Variants in PCDHA11 observed in about 807,000 individuals in gnomAD.
The protein encoded by PCDHA11 is protocadherin alpha-11.
Under a neutral mutation model 70.3 loss-of-function variants are expected in PCDHA11, and 61 were observed. That is an observed-to-expected ratio of 0.87 (90% CI 0.71 to 1.07). The LOEUF (loss-of-function observed/expected upper bound fraction) is 1.07. Among genes scored for constraint, PCDHA11 ranks in the 50% least tolerant of loss-of-function variants. The probability of loss-of-function intolerance (pLI) is 0.00; values close to 1 mark genes in which losing one functional copy is unlikely to be tolerated. For synonymous variants in PCDHA11, 633 were observed against 555.1 expected (o/e 1.14, Z -1.97); for missense variants, 1,324 against 1,237.5 (o/e 1.07, Z -1.05).
intron 1 of PCDHA11, among the ~76,000 whole-genome samples, chr5:140,908,047 C>T (rs976734426): frequency 4.6e-5 from 7 of 152,208 alleles, no homozygotes; most frequent in African/African-American, 1.7e-4. Context: ...AATTGCACAT[C>T]CGGCCATTTC....
intron 1 of PCDHA11, chr5:140,875,246 C>T: frequency 1.0e-6 from 1 of 955,372 alleles, no homozygotes; most frequent in Non-Finnish European, 1.5e-6. Context: ...CTTACATAAT[C>T]AGTCACATGA....
chr5:140,925,596 T>G (rs1218423622), intron 1 of PCDHA11, among the ~76,000 whole-genome samples: 1 of 151,466 alleles, frequency 6.6e-6, no homozygotes, highest in Admixed American at 6.6e-5. Context: ...TGTATACATA[T>G]GTAACAAACC....
chr5:141,009,339 G>A (rs1328874922), intron 3 of PCDHA11, among the ~76,000 whole-genome samples: 13 of 152,168 alleles, frequency 8.5e-5, no homozygotes, highest in African/African-American at 3.1e-4. Context: ...TGTGCCTGTA[G>A]TTCCAGCTAC....
chr5:140,889,424 A>G (rs2062220483), intron 1 of PCDHA11, among the ~76,000 whole-genome samples: 1 of 151,956 alleles, frequency 6.6e-6, no homozygotes, highest in African/African-American at 2.4e-5. Context: ...CGTAGATAAT[A>G]TTTTTTCAGG....
chr5:140,926,835 T>C (rs2083586569), intron 1 of PCDHA11: 4 of 1,505,630 alleles, frequency 2.7e-6, no homozygotes, highest in East Asian at 2.3e-5. Context: ...GTCCGGAGCA[T>C]GGTCCTGGGT....
At chr5:140,979,690 A>G (rs2096860224) in intron 2 of PCDHA11, among the ~76,000 whole-genome samples, 1 of 152,252 alleles carries the variant, frequency 6.6e-6, no homozygotes, top group Non-Finnish European at 1.5e-5. Context: ...ATTAACTACC[A>G]TTATTTCTGG....
intron 1 of PCDHA11, among the ~76,000 whole-genome samples, chr5:140,898,580 T>G (rs541428438): frequency 2.9e-4 from 44 of 152,370 alleles, no homozygotes; most frequent in African/African-American, 1.0e-3. Flanking sequence ...CCATGCTGTT[T>G]TGGTTACTGT....
intron 3 of PCDHA11, among the ~76,000 whole-genome samples, chr5:140,989,687 G>A (rs956131200): frequency 2.0e-4 from 31 of 152,176 alleles, no homozygotes; most frequent in African/African-American, 6.3e-4. Flanking sequence ...TCAAAGGAAC[G>A]TGAAAATTTT....
intron 1 of PCDHA11, among the ~76,000 whole-genome samples, chr5:140,895,037 C>G (rs28619398): frequency 6.6e-6 from 1 of 152,134 alleles, no homozygotes; most frequent in Non-Finnish European, 1.5e-5. Context: ...TTGTCCCCCA[C>G]CCACACCATT....
rs148820707 is a variant in PCDHA11, at chr5:140,954,545, G to A, written c.2392-24404G>A. ...AGTGATGTTGAGGTTTTTTTCATAT[G>A]TTTGTTGGCTGCATGACTGTCTTCT... On this transcript the variant is annotated intron_variant, in intron 1 of 3. Coordinates refer to ENST00000398640, the MANE Select transcript of PCDHA11 (RefSeq NM_018902.5). 4.6e-3 allele frequency among the ~76,000 whole-genome samples: 702 copies of A among 152,204 alleles called. 2 individuals are homozygous for A. The highest frequency in any genetic ancestry group is 0.016 in the African/African-American group (679 of 41,554).
intron 2 of PCDHA11, among the ~76,000 whole-genome samples, chr5:140,979,495 G>A (rs1405180713): frequency 6.6e-6 from 1 of 151,840 alleles, no homozygotes; most frequent in Non-Finnish European, 1.5e-5. Context: ...ACCTATTAGA[G>A]CCTCCTCATC....
At chr5:140,993,364 T>G (rs1285844193) in intron 3 of PCDHA11, among the ~76,000 whole-genome samples, 1 of 151,930 alleles carries the variant, frequency 6.6e-6, no homozygotes, top group Non-Finnish European at 1.5e-5. Flanking sequence ...TCACAAAAAC[T>G]ACCTCCCAGC....
intron 1 of PCDHA11, among the ~76,000 whole-genome samples, chr5:140,915,719 T>A (rs545655335): frequency 6.6e-6 from 1 of 151,956 alleles, no homozygotes; most frequent in African/African-American, 2.4e-5. Flanking sequence ...GCCCCCACTT[T>A]GGATTGTGCT....
At chr5:140,921,943 T>C (rs2080514176) in intron 1 of PCDHA11, among the ~76,000 whole-genome samples, 1 of 151,972 alleles carries the variant, frequency 6.6e-6, no homozygotes, top group South Asian at 2.1e-4. Context: ...AATTTTACAC[T>C]TGTAAAATCC....
At chr5:140,981,457 C>T (rs910127197) in intron 2 of PCDHA11, among the ~76,000 whole-genome samples, 6 of 152,064 alleles carry the variant, frequency 3.9e-5, no homozygotes, top group African/African-American at 7.2e-5. Context: ...GCCTGTAGTC[C>T]CAGCTACTTG....
At chr5:140,929,241 T>TG (rs2085975080) in intron 1 of PCDHA11, 1 of 1,613,878 alleles carries the variant, frequency 6.2e-7, no homozygotes. Context: ...TGCGAAATCT[T>TG]GCCACTGGGG....
intron 1 of PCDHA11, among the ~76,000 whole-genome samples, chr5:140,972,578 C>A (rs1554234223): frequency 6.6e-6 from 1 of 151,798 alleles, no homozygotes; most frequent in Non-Finnish European, 1.5e-5. Flanking sequence ...GGCAATAGGG[C>A]AGAATTTCTC....
chr5:140,935,995 C>G (rs1282709145), intron 1 of PCDHA11, among the ~76,000 whole-genome samples: 1 of 150,774 alleles, frequency 6.6e-6, no homozygotes, highest in African/African-American at 2.4e-5. Context: ...CGGGTTCAAG[C>G]GATTCTCCCA....
chr5:140,904,162 A>G (rs1554191325), intron 1 of PCDHA11, among the ~76,000 whole-genome samples: 1 of 152,028 alleles, frequency 6.6e-6, no homozygotes, highest in Non-Finnish European at 1.5e-5. Context: ...CCCAGTTTGT[A>G]GTCTTTTATT....
Sources: gnomAD v4.1 joint callset for allele counts (sites outside exome capture counted in the v4.1 genomes callset) on GRCh38, gnomAD v4.1.1 for gene constraint, MANE v1.5 for transcripts, NCBI Gene and HGNC (gene_info 2026-07-23, HGNC 2026-07-21) for gene names.